The following RGCC variants were observed in gnomAD, a reference collection of about 807,000 sequenced individuals.
RGCC encodes the protein regulator of cell cycle.
RGCC carries 15 observed loss-of-function variants against 15.4 expected under a neutral mutation model. That is an observed-to-expected ratio of 0.97 (90% confidence interval 0.65 to 1.50). The LOEUF (loss-of-function observed/expected upper bound fraction) is 1.50, where lower values mean the gene tolerates loss of function less well. Among genes scored for constraint, RGCC ranks in the 40% most tolerant of loss-of-function variants. RGCC has a pLI of 0.00. For missense variants in RGCC, 176 were observed against 189.7 expected (o/e 0.93, Z 0.42); for synonymous variants, 81 against 78.0 (o/e 1.04, Z -0.20).
At chr13:41,462,624 C>T (rs1020572721) in intron 2 of RGCC, among the ~76,000 whole-genome samples, 1 of 152,184 alleles carries the variant, frequency 6.6e-6, no homozygotes, top group Admixed American at 6.5e-5. Flanking sequence ...TTAATAGCAG[C>T]ACCTGATACC....
intron 2 of RGCC, 45 bp from the exon 3 acceptor site, chr13:41,466,778 T>C (rs773025847): frequency 7.7e-7 from 1 of 1,296,464 alleles, no homozygotes; most frequent in Admixed American, 1.7e-5. Flanking sequence ...AAGTCTATAA[T>C]CTCATGAGTA....
chr13:41,465,414 A>G (rs1230534972), intron 2 of RGCC, among the ~76,000 whole-genome samples: 1 of 152,216 alleles, frequency 6.6e-6, no homozygotes, highest in East Asian at 1.9e-4. Context: ...TCACAGCCAC[A>G]CAGCTGGGCC....
intron 2 of RGCC, among the ~76,000 whole-genome samples, chr13:41,465,136 G>A (rs1272735025): frequency 6.6e-6 from 1 of 152,186 alleles, no homozygotes; most frequent in African/African-American, 2.4e-5. Flanking sequence ...ACCAAAGAGA[G>A]ATGTTTTTGC....
chr13:41,465,274 T>A (rs915279561), intron 2 of RGCC, among the ~76,000 whole-genome samples: 18 of 152,174 alleles, frequency 1.2e-4, no homozygotes, highest in Non-Finnish European at 2.4e-4. Flanking sequence ...CAACTGTGGC[T>A]GGCTTTGTGT....
At chr13:41,465,876 G>A (rs185200918) in intron 2 of RGCC, among the ~76,000 whole-genome samples, 14 of 152,234 alleles carry the variant, frequency 9.2e-5, no homozygotes, top group Admixed American at 8.5e-4. Flanking sequence ...TAAGTCATGG[G>A]ATACTGGATG....
At chr13:41,468,001 G>A (rs892397379) in intron 3 of RGCC, among the ~76,000 whole-genome samples, 1 of 152,116 alleles carries the variant, frequency 6.6e-6, no homozygotes, top group African/African-American at 2.4e-5. Context: ...TTTCAGGGAA[G>A]GCATGAATGA....
At chr13:41,470,353 C>T in intron 4 of RGCC, 125 bp from the exon 5 acceptor site, 1 of 945,606 alleles carries the variant, frequency 1.1e-6, no homozygotes, top group Non-Finnish European at 1.7e-6. Context: ...TAATCAGACA[C>T]TCATCGTGTG....
intron 2 of RGCC, among the ~76,000 whole-genome samples, chr13:41,462,354 C>T (rs959201119): frequency 6.6e-6 from 1 of 152,164 alleles, no homozygotes; most frequent in African/African-American, 2.4e-5. Flanking sequence ...CAGTGTTTCT[C>T]AGACTCTGTT....
chr13:41,469,292 T>TAAGAAG (rs1440435520), intron 4 of RGCC, among the ~76,000 whole-genome samples: 171 of 82,050 alleles, frequency 2.1e-3, no homozygotes, highest in African/African-American at 5.9e-3. Context: ...ATAATAATAA[T>TAAGAAG]AATAAGAAGA....
chr13:41,463,547 G>A (rs1018734834), intron 2 of RGCC, among the ~76,000 whole-genome samples: 1 of 151,850 alleles, frequency 6.6e-6, no homozygotes, highest in Non-Finnish European at 1.5e-5. Flanking sequence ...GTGTAGCTGT[G>A]CTGCCATGCC....
At chr13:41,459,496 A>G (rs1448538964) in intron 2 of RGCC, among the ~76,000 whole-genome samples, 2 of 152,180 alleles carry the variant, frequency 1.3e-5, no homozygotes, top group Non-Finnish European at 2.9e-5. Flanking sequence ...TTCCTGGGCT[A>G]AGATTCGGGG....
chr13:41,469,320 AAGAAGAAG>A (rs2043864943), intron 4 of RGCC, among the ~76,000 whole-genome samples: 1 of 143,126 alleles, frequency 7.0e-6, no homozygotes, highest in Non-Finnish European at 1.6e-5. Flanking sequence ...GAAGAAGAAG[AAGAAGAAG>A]AAGAAACAGG....
chr13:41,465,871 C>A (rs1052745552), intron 2 of RGCC, among the ~76,000 whole-genome samples: 4 of 151,934 alleles, frequency 2.6e-5, no homozygotes, highest in African/African-American at 9.7e-5. Context: ...AGGCTTAAGT[C>A]ATGGGATACT....
intron 2 of RGCC, among the ~76,000 whole-genome samples, chr13:41,464,532 G>A (rs1053897048): frequency 6.6e-6 from 1 of 152,184 alleles, no homozygotes; most frequent in Non-Finnish European, 1.5e-5. Context: ...CAAGGGTCCT[G>A]AGAAGTAGTA....
chr13:41,470,727 T>TAC lies in RGCC; in HGVS notation c.*243_*244insCA, dbSNP rs2043871902. The TAC allele has an allele frequency of 1.6e-5, 7 of 428,818 alleles. No homozygotes were observed. In the Admixed American group the frequency reaches 1.7e-4, roughly 10 times the overall value. The allele number at this position is 428,818 out of a possible 1,614,324, so 26.6% of individuals were successfully genotyped here. A position where few individuals can be genotyped will look rare whatever the true frequency, so the allele number is the denominator to read the frequency against. ...TATTAGAACAGACGATCCATGCTAA[T>TAC]ATTGTATTTTCTCTTAAAACATAGC... On this transcript the variant is annotated 3_prime_UTR_variant, in exon 5 of 5. Coordinates refer to ENST00000379359, the MANE Select transcript of RGCC (RefSeq NM_014059.3).
intron 2 of RGCC, among the ~76,000 whole-genome samples, chr13:41,466,024 T>C (rs192891898): frequency 4.0e-4 from 61 of 152,116 alleles, no homozygotes; most frequent in African/African-American, 1.0e-3. Context: ...CCTTCCTGTA[T>C]TGGGGAAGCA....
chr13:41,467,818 CAG>C (rs1343566011), intron 3 of RGCC, among the ~76,000 whole-genome samples: 2 of 152,072 alleles, frequency 1.3e-5, no homozygotes, highest in East Asian at 3.9e-4. Context: ...AATTCAGAGA[CAG>C]AGCAGTCTAA....
chr13:41,465,799 AAG>A (rs1256161313), intron 2 of RGCC, among the ~76,000 whole-genome samples: 2 of 152,134 alleles, frequency 1.3e-5, no homozygotes, highest in African/African-American at 2.4e-5. Context: ...TCTTAAGTAA[AAG>A]AGAGGATTAT....
chr13:41,463,825 T>C lies in RGCC; in HGVS notation c.236-2998T>C, dbSNP rs140288242. Among the ~76,000 whole-genome samples, 495 of 152,292 alleles carry C rather than the reference T, an allele frequency of 3.3e-3. 4 individuals carry two copies. Among genetic ancestry groups the C allele is most frequent in the African/African-American group, 0.011 (459 of 41,560 alleles). ...TTTCCTGAATCTTTGCTGGATTCCT[T>C]TTTTCCCCTGCTAACATCCTCTTTT... On this transcript the variant is annotated intron_variant, in intron 2 of 4. Transcript: ENST00000379359.
Sources: gnomAD v4.1 joint callset for allele counts (sites outside exome capture counted in the v4.1 genomes callset) on GRCh38, gnomAD v4.1.1 for gene constraint, MANE v1.5 for transcripts, NCBI Gene and HGNC (gene_info 2026-07-23, HGNC 2026-07-21) for gene names.